GEN1: variants seen among roughly 807,000 people sequenced by gnomAD.
GEN1 encodes GEN1 structure-specific endonuclease.
In GEN1, 64 loss-of-function variants were observed where a neutral mutation model predicts 67.6. That is an observed-to-expected ratio of 0.95 (90% CI 0.77 to 1.17). GEN1 has a LOEUF of 1.17. Ranked by LOEUF, GEN1 falls within the 50% of genes most tolerant of loss-of-function variation. The pLI, the probability that GEN1 is intolerant of heterozygous loss-of-function variation, is 0.00. For missense variants in GEN1, 1,058 were observed against 1,048.3 expected (o/e 1.01, Z -0.13); for synonymous variants, 371 against 359.4 (o/e 1.03, Z -0.37).
Position 17,788,266 on chromosome 2 carries a change from A to C in GEN1, c.*6327A>C, listed in dbSNP as rs1292901996. ...AGCAAAGCTTTTATCAGGCTCAGCTAACAGCTTGCATTAGCCTCTTTCAGG... is the reference window on the plus strand; with the variant it reads ...AGCAAAGCTTTTATCAGGCTCAGCTCACAGCTTGCATTAGCCTCTTTCAGG... On this transcript the variant is annotated 3_prime_UTR_variant, in exon 14 of 14. Transcript: ENST00000381254. 1 of 152,238 alleles carries C rather than the reference A, an allele frequency of 6.6e-6. No homozygotes were observed. The highest frequency in any genetic ancestry group is 1.5e-5 in the Non-Finnish European group (1 of 68,038). The allele number at this position is 152,238 out of a possible 1,614,324, so 9.4% of individuals were successfully genotyped here.
In GEN1 at chr2:17,765,326, C is replaced by T. The variant is rs1049185791; in HGVS notation, c.525+253C>T. 4.6e-5 allele frequency among the ~76,000 whole-genome samples: 7 copies of T among 152,270 alleles called. No homozygotes were observed. The South Asian group carries it at 1.0e-3, about 22-fold the overall frequency. ...CTAAATCATTTTCAAAAATACATCA[C>T]GAATTGCATATGAAAATGTGTTGCT... On this transcript the variant is annotated intron_variant, in intron 4 of 13. Coordinates refer to ENST00000381254, the MANE Select transcript of GEN1 (RefSeq NM_001130009.3).
chr2:17,778,412 A>ATG lies in GEN1; in HGVS notation c.1264+350_1264+351insGT, dbSNP rs1558409976. On this transcript the variant is annotated intron_variant, in intron 12 of 13. Coordinates refer to ENST00000381254, the MANE Select transcript of GEN1 (RefSeq NM_001130009.3). Reference sequence around the variant, plus strand: ...TGTACATATATGTATATACACACATATATGTGTGTACATATATGTATATAC... The same window carrying ATG: ...TGTACATATATGTATATACACACATATGTATGTGTGTACATATATGTATATAC... Among the ~76,000 whole-genome samples, 30 of 31,494 alleles carry ATG rather than the reference A, an allele frequency of 9.5e-4. 3 individuals carry two copies. The highest frequency in any genetic ancestry group is 2.2e-3 in the African/African-American group (27 of 12,472). The allele number at this position is 31,494 out of a possible 152,430, so 20.7% of individuals were successfully genotyped here.
chr2:17,762,285 T>C (rs1229245080), intron 3 of GEN1, among the ~76,000 whole-genome samples: 1 of 147,610 alleles, frequency 6.8e-6, no homozygotes, highest in Non-Finnish European at 1.5e-5. Context: ...CACTGCAAGC[T>C]CCGCCTCCTG....
In GEN1 at chr2:17,774,335, T is replaced by A; in HGVS notation, c.1136T>A (p.Leu379Ter). ...HYACEKLLVL[L>*]THYDMIERKL... is the part of the protein sequence containing the mutation. ...GCATGTGAGAAATTGCTGGTACTTT[T>A]GACCCATTATGACATGATAGAAAGA... Residue 379 changes from leucine (L) to a stop codon, truncating the protein, a stop_gained, in exon 11 of 14, where the codon TTG becomes TAG. Transcript: ENST00000381254. LOFTEE classifies it high-confidence loss of function. The A allele has an allele frequency of 6.2e-7, 1 of 1,604,860 alleles. No individual in the cohort carries two copies. The highest frequency in any genetic ancestry group is 8.5e-7 in the Non-Finnish European group (1 of 1,173,216).
At chr2:17,780,186 G>A in intron 13 of GEN1, 65 bp downstream of exon 13, 12 of 1,226,138 alleles carry the variant, frequency 9.8e-6, no homozygotes, top group East Asian at 2.4e-5. Context: ...CACCTCTTCT[G>A]TTTGAATCTG....
intron 4 of GEN1, 121 bp from the exon 5 acceptor site, chr2:17,766,458 C>T (rs1671938322): frequency 1.7e-6 from 1 of 604,492 alleles, no homozygotes; most frequent in East Asian, 3.0e-5. Context: ...GCATGAGCCA[C>T]CATGCCCAGC....
rs1282359177 is a variant in GEN1, at chr2:17,787,327, A to C, written c.*5388A>C. On this transcript the variant is annotated 3_prime_UTR_variant, in exon 14 of 14. Coordinates refer to ENST00000381254, the MANE Select transcript of GEN1 (RefSeq NM_001130009.3). Reference sequence around the variant, plus strand: ...TCTATCTCTCCCTCAGATAAGACTAAGATCTCTGAGCACAGGAATCAAGTC... The same window carrying C: ...TCTATCTCTCCCTCAGATAAGACTACGATCTCTGAGCACAGGAATCAAGTC... 1.3e-5 allele frequency: 2 copies of C among 152,176 alleles called. No homozygotes were observed. The highest frequency in any genetic ancestry group is 4.8e-5 in the African/African-American group (2 of 41,434). 9.4% of individuals were successfully genotyped at this position (152,176 alleles called of 1,614,324 possible). A position where few individuals can be genotyped will look rare whatever the true frequency, so the allele number is the denominator to read the frequency against.
intron 11 of GEN1, among the ~76,000 whole-genome samples, chr2:17,776,115 CAAAAA>C (rs34705905): frequency 1.2e-5 from 1 of 80,690 alleles, no homozygotes; most frequent in South Asian, 4.2e-4. Context: ...GACCCTGTCT[CAAAAA>C]AAAAAAAAAA....
intron 1 of GEN1, among the ~76,000 whole-genome samples, chr2:17,757,902 T>A (rs1671502040): frequency 6.6e-6 from 1 of 152,252 alleles, no homozygotes; most frequent in African/African-American, 2.4e-5. Flanking sequence ...GCATATGGTA[T>A]TTTAAAAATG....
In GEN1 at chr2:17,781,628, A is replaced by G. The variant is rs748207750; in HGVS notation, c.2416A>G (p.Ser806Gly). 1.2e-6 allele frequency: 2 copies of G among 1,614,076 alleles called. No homozygotes were observed. The highest frequency in any genetic ancestry group is 2.2e-5 in the South Asian group (2 of 91,082). Reference sequence around the variant, plus strand: ...TGACAGACATTCCTCTGATGAACAAAGTGCCCCAGTGTTTGGGAAAGCTAA... The same window carrying G: ...TGACAGACATTCCTCTGATGAACAAGGTGCCCCAGTGTTTGGGAAAGCTAA... ...CLDRHSSDEQSAPVFGKAKYT... is the reference protein window; with the variant it reads ...CLDRHSSDEQGAPVFGKAKYT... The change falls in exon 14 of 14, where the codon AGT becomes GGT. Residue 806 changes from serine to glycine, a missense_variant. Transcript: ENST00000381254.
intron 12 of GEN1, 128 bp downstream of exon 12, chr2:17,778,191 C>CATAGATATGTGTATATATATGTAT: frequency 5.0e-6 from 2 of 403,996 alleles, no homozygotes; most frequent in Admixed American, 3.7e-5. Context: ...TATATATACA[C>CATAGATATGTGTATATATATGTAT]ACACACATAT....
At position 17,785,334 on chromosome 2, in the gene GEN1, TC is replaced by T. The variant is rs777626936; in HGVS notation, c.*3397del. On this transcript the variant is annotated 3_prime_UTR_variant, in exon 14 of 14. Coordinates refer to ENST00000381254, the MANE Select transcript of GEN1 (RefSeq NM_001130009.3). The stretch of plus-strand genomic sequence containing the variant: ...TTTTTAAAGCATTCCATGTTCTTGT[TC>T]CTTGATGTGGTCATGTTATCACTTG... The T allele has an allele frequency of 6.6e-6, 1 of 152,264 alleles. No homozygotes were observed. Among genetic ancestry groups the T allele is most frequent in the Non-Finnish European group, 1.5e-5 (1 of 68,052 alleles). The allele number at this position is 152,264 out of a possible 1,614,324, so 9.4% of individuals were successfully genotyped here. A position where few individuals can be genotyped will look rare whatever the true frequency, so the allele number is the denominator to read the frequency against.
intron 11 of GEN1, among the ~76,000 whole-genome samples, chr2:17,776,324 C>A (rs966943492): frequency 2.6e-5 from 4 of 151,984 alleles, no homozygotes; most frequent in Non-Finnish European, 2.9e-5. Context: ...GTTTTTAAGT[C>A]ATAAAGGACC....
chr2:17,764,923 A>T lies in GEN1; in HGVS notation c.375A>T (p.Gly125=), dbSNP rs778832705. 1.4e-5 allele frequency: 23 copies of T among 1,613,968 alleles called. No homozygotes were observed. Among genetic ancestry groups the T allele is most frequent in the Non-Finnish European group, 1.9e-5 (23 of 1,179,944 alleles). The part of the protein sequence containing the change: ...RECLHMLECL[G]IPWVQAAGEA... ...GCCTCCATATGCTCGAATGCTTAGG[A>T]ATCCCCTGGGTTCAGGCTGCTGGGG... Residue 125 remains glycine (G), a synonymous_variant, in exon 4 of 14, where the codon GGA becomes GGT. Coordinates refer to ENST00000381254, the MANE Select transcript of GEN1 (RefSeq NM_001130009.3).
rs997013564 is a variant in GEN1, at chr2:17,788,521, T to C, written c.*6582T>C. On this transcript the variant is annotated 3_prime_UTR_variant, in exon 14 of 14. Coordinates refer to ENST00000381254, the MANE Select transcript of GEN1 (RefSeq NM_001130009.3). Reference sequence around the variant, plus strand: ...TGCTAATGTTTAGAAGAATTCCTTTTGTAAGCATCAAAGAAGAACTTTAAT... The same window carrying C: ...TGCTAATGTTTAGAAGAATTCCTTTCGTAAGCATCAAAGAAGAACTTTAAT... 3 of 152,234 alleles carry C rather than the reference T, an allele frequency of 2.0e-5. No individual in the cohort carries two copies. Among genetic ancestry groups the C allele is most frequent in the Non-Finnish European group, 4.4e-5 (3 of 68,038 alleles). The allele number at this position is 152,234 out of a possible 1,614,324, so 9.4% of individuals were successfully genotyped here.
chr2:17,780,721 G>T lies in GEN1; in HGVS notation c.1509G>T (p.Gln503His), dbSNP rs1184383601. 3.7e-6 allele frequency: 6 copies of T among 1,613,924 alleles called. No individual in the cohort carries two copies. Among genetic ancestry groups the T allele is most frequent in the Admixed American group, 3.3e-5 (2 of 60,014 alleles). Residue 503 changes from glutamine to histidine, a missense_variant, in exon 14 of 14, where the codon CAG (glutamine) becomes CAT (histidine). Gln to His is a conservative substitution (Grantham distance 24, BLOSUM62 0). Coordinates refer to ENST00000381254, the MANE Select transcript of GEN1 (RefSeq NM_001130009.3). ...LKPTCEIFHK[Q>H]NSKLNSGISP... ...CCACATGTGAAATCTTTCATAAGCA[G>T]AATTCCAAGTTAAATTCGGGGATTT...
At chr2:17,762,765 T>A (rs1052097516) in intron 3 of GEN1, among the ~76,000 whole-genome samples, 3 of 152,242 alleles carry the variant, frequency 2.0e-5, no homozygotes, top group African/African-American at 7.2e-5. Flanking sequence ...TATATAATGT[T>A]TTCTTGTGAT....
intron 1 of GEN1, chr2:17,755,826 T>G (rs1030373518): frequency 1.3e-5 from 2 of 152,234 alleles, no homozygotes; most frequent in African/African-American, 2.4e-5. Flanking sequence ...GGTTCTGTGT[T>G]TTTCTCACCT....
intron 3 of GEN1, 128 bp from the exon 4 acceptor site, chr2:17,764,769 A>C (rs1004883813): frequency 1.2e-6 from 1 of 815,506 alleles, no homozygotes; most frequent in East Asian, 2.9e-5. Flanking sequence ...AGTGTTTCTT[A>C]AATATCGTAA....
Sources: allele counts gnomAD v4.1 joint callset (sites outside exome capture counted in the v4.1 genomes callset), GRCh38; gene constraint gnomAD v4.1.1; transcripts MANE v1.5; gene names NCBI Gene and HGNC (gene_info 2026-07-23, HGNC 2026-07-21).